PCDH9: variants seen among roughly 807,000 people sequenced by gnomAD.
The protein encoded by PCDH9 is protocadherin-9.
Under a neutral mutation model 70.6 loss-of-function variants are expected in PCDH9, and 24 were observed. The ratio of observed to expected loss-of-function variants is 0.34; its 90% CI spans 0.25 to 0.48. The LOEUF is 0.48. PCDH9 is among the 20% of genes least tolerant of loss of function. The probability of loss-of-function intolerance (pLI) is 0.99; values close to 1 mark genes in which losing one functional copy is unlikely to be tolerated. For missense variants in PCDH9, 1,281 were observed against 1,503.6 expected (o/e 0.85, Z 2.45); for synonymous variants, 562 against 558.5 (o/e 1.01, Z -0.09).
chr13:66,327,249 C>A (rs1229537851), intron 4 of PCDH9, among the ~76,000 whole-genome samples: 1 of 152,164 alleles, frequency 6.6e-6, no homozygotes, highest in Middle Eastern at 3.2e-3. Context: ...TATCAGGGAT[C>A]TTTTGTTGCT....
intron 3 of PCDH9, among the ~76,000 whole-genome samples, chr13:66,714,030 G>A (rs1270463556): frequency 6.6e-6 from 1 of 152,098 alleles, no homozygotes; most frequent in Admixed American, 6.6e-5. Flanking sequence ...TATTCTTAAT[G>A]TAATACAATT....
chr13:67,042,131 A>G (rs1161666584), intron 2 of PCDH9, among the ~76,000 whole-genome samples: 1 of 152,176 alleles, frequency 6.6e-6, no homozygotes, highest in African/African-American at 2.4e-5. Flanking sequence ...GTTATTCCAC[A>G]AGCATGGGGC....
intron 3 of PCDH9, among the ~76,000 whole-genome samples, chr13:66,755,032 A>C (rs1357800083): frequency 6.6e-6 from 1 of 152,158 alleles, no homozygotes; most frequent in East Asian, 1.9e-4. Context: ...CTTGTAATGC[A>C]CTTTGGGGAT....
chr13:67,007,481 A>C (rs2084375286), intron 2 of PCDH9, among the ~76,000 whole-genome samples: 1 of 152,158 alleles, frequency 6.6e-6, no homozygotes, highest in Non-Finnish European at 1.5e-5. Context: ...AAAATGTAAA[A>C]GTTATTAGTA....
chr13:66,616,201 C>T (rs2077353635), intron 4 of PCDH9, among the ~76,000 whole-genome samples: 1 of 152,196 alleles, frequency 6.6e-6, no homozygotes, highest in Admixed American at 6.5e-5. Context: ...ACATCCAACT[C>T]ACAGGTGTTT....
rs2088485862 is a variant in PCDH9, at chr13:67,177,210, A to C, written c.3036+48195T>G. ...CTTTATTAAAAATTAAATTGAAAAC[A>C]CCTATCATTTCTTGTTATTAAATAA... On this transcript the variant is annotated intron_variant, in intron 2 of 4. Coordinates refer to ENST00000377865, the MANE Select transcript of PCDH9 (RefSeq NM_203487.3). 2.0e-5 allele frequency among the ~76,000 whole-genome samples: 3 copies of C among 152,210 alleles called. No individual in the cohort carries two copies. In the East Asian group the frequency reaches 5.8e-4, roughly 29 times the overall value.
At chr13:66,598,899 T>G (rs2077133253) in intron 4 of PCDH9, among the ~76,000 whole-genome samples, 2 of 151,872 alleles carry the variant, frequency 1.3e-5, no homozygotes. Context: ...ATTAGTACAG[T>G]GTATCCGTAA....
At chr13:66,629,306 C>G (rs1298202681) in intron 4 of PCDH9, among the ~76,000 whole-genome samples, 1 of 152,122 alleles carries the variant, frequency 6.6e-6, no homozygotes, top group Non-Finnish European at 1.5e-5. Context: ...ACAAGAGGAG[C>G]CAACCACTCA....
intron 2 of PCDH9, 80 bp downstream of exon 2, chr13:67,225,325 A>T (rs1358179733): frequency 1.4e-6 from 2 of 1,462,168 alleles, no homozygotes; most frequent in South Asian, 2.3e-5. Context: ...GACCAAAACA[A>T]TAGACATACT....
chr13:66,470,559 C>T (rs1958598099), intron 4 of PCDH9, among the ~76,000 whole-genome samples: 1 of 151,904 alleles, frequency 6.6e-6, no homozygotes, highest in Non-Finnish European at 1.5e-5. Flanking sequence ...TGTAGAGAAG[C>T]TCATCTAAGC....
chr13:67,037,910 A>G (rs2085041161), intron 2 of PCDH9, among the ~76,000 whole-genome samples: 1 of 152,316 alleles, frequency 6.6e-6, no homozygotes, highest in African/African-American at 2.4e-5. Context: ...TATTTACTCT[A>G]TAAGAACCTG....
chr13:66,483,825 C>T (rs1286076843), intron 4 of PCDH9, among the ~76,000 whole-genome samples: 1 of 152,120 alleles, frequency 6.6e-6, no homozygotes, highest in Non-Finnish European at 1.5e-5. Context: ...TGGCCTGCCA[C>T]GCCCCCTTCC....
intron 2 of PCDH9, among the ~76,000 whole-genome samples, chr13:67,008,966 G>T (rs1429573006): frequency 6.6e-6 from 1 of 151,962 alleles, no homozygotes. Context: ...TCTATCAACT[G>T]TATGTAATAA....
At chr13:67,067,384 T>A (rs1398677213) in intron 2 of PCDH9, among the ~76,000 whole-genome samples, 1 of 152,138 alleles carries the variant, frequency 6.6e-6, no homozygotes, top group Non-Finnish European at 1.5e-5. Flanking sequence ...TGATATGTAA[T>A]CTATATAACA....
chr13:66,376,982 A>G (rs935313645), intron 4 of PCDH9, among the ~76,000 whole-genome samples: 2 of 152,172 alleles, frequency 1.3e-5, no homozygotes, highest in African/African-American at 4.8e-5. Flanking sequence ...TAGTAGCAAA[A>G]TAATAAAAAA....
At chr13:66,915,431 C>T (rs1376790046) in intron 2 of PCDH9, among the ~76,000 whole-genome samples, 2 of 151,510 alleles carry the variant, frequency 1.3e-5, no homozygotes, top group Non-Finnish European at 3.0e-5. Context: ...AAAGATGTTG[C>T]TAGACTACTC....
intron 4 of PCDH9, among the ~76,000 whole-genome samples, chr13:66,445,632 A>G (rs112971680): frequency 6.9e-6 from 1 of 144,524 alleles, no homozygotes; most frequent in Non-Finnish European, 1.5e-5. Context: ...CATATATATT[A>G]TATACACATA....
At chr13:67,037,475 T>C (rs2085033285) in intron 2 of PCDH9, among the ~76,000 whole-genome samples, 1 of 152,212 alleles carries the variant, frequency 6.6e-6, no homozygotes, top group African/African-American at 2.4e-5. Flanking sequence ...GTTTGTTTGT[T>C]TTTTGTTTGT....
At chr13:67,174,507 A>T (rs1462019251) in intron 2 of PCDH9, among the ~76,000 whole-genome samples, 1 of 152,184 alleles carries the variant, frequency 6.6e-6, no homozygotes, top group African/African-American at 2.4e-5. Flanking sequence ...TGAGAGCTAA[A>T]GCTGCATTCG....
Sources: gnomAD v4.1 joint callset for allele counts (sites outside exome capture counted in the v4.1 genomes callset) on GRCh38, gnomAD v4.1.1 for gene constraint, MANE v1.5 for transcripts, NCBI Gene and HGNC (gene_info 2026-07-23, HGNC 2026-07-21) for gene names.